RRM2B: variants seen among roughly 807,000 people sequenced by gnomAD.
The protein encoded by RRM2B is ribonucleotide reductase regulatory TP53 inducible subunit M2B, also known as ribonucleoside-diphosphate reductase subunit M2 B.
In RRM2B, 20 loss-of-function variants were observed where a neutral mutation model predicts 45.9. The ratio of observed to expected loss-of-function variants is 0.44; its 90% CI spans 0.31 to 0.63. The LOEUF (loss-of-function observed/expected upper bound fraction) is 0.63. Ranked by LOEUF, RRM2B falls within the 30% of genes least tolerant of loss-of-function variation. RRM2B has a pLI of 0.09. For synonymous variants in RRM2B, 124 were observed against 132.3 expected (o/e 0.94, Z 0.43); for missense variants, 320 against 414.7 (o/e 0.77, Z 1.98).
At position 102,226,039 on chromosome 8, in the gene RRM2B, A is replaced by AAT; in HGVS notation, c.205-7_205-6dup. ...GAGATCCTTTGATAAGTCGACCTGG[A>AAT]ATAAAAAGATTTTCAAAAATTTTAA... On this transcript the variant is annotated splice_polypyrimidine_tract_variant and splice_region_variant and intron_variant, in intron 2 of 8. Coordinates refer to ENST00000251810, the MANE Select transcript of RRM2B (RefSeq NM_015713.5). 6.4e-7 allele frequency: 1 copy of AAT among 1,571,632 alleles called. No homozygotes were observed. The highest frequency in any genetic ancestry group is 8.8e-7 in the Non-Finnish European group (1 of 1,141,580).
At chr8:102,231,852 G>A (rs1221920464) in intron 2 of RRM2B, among the ~76,000 whole-genome samples, 21 of 136,156 alleles carry the variant, frequency 1.5e-4, no homozygotes, top group Non-Finnish European at 2.3e-4. Context: ...CTGGGTGACA[G>A]AGTGAGACTC....
At chr8:102,236,317 TG>T (rs529157169) in intron 1 of RRM2B, among the ~76,000 whole-genome samples, 44 of 152,114 alleles carry the variant, frequency 2.9e-4, no homozygotes, top group African/African-American at 1.0e-3. Context: ...CCCACAGATT[TG>T]GGGGTACAAA....
chr8:102,233,093 A>G (rs1352163636), intron 1 of RRM2B, among the ~76,000 whole-genome samples: 2 of 152,242 alleles, frequency 1.3e-5, no homozygotes, highest in Non-Finnish European at 2.9e-5. Flanking sequence ...TAAACAAAGG[A>G]CATACAAATA....
chr8:102,211,448 T>C (rs1202911505), intron 8 of RRM2B, among the ~76,000 whole-genome samples: 2 of 152,192 alleles, frequency 1.3e-5, no homozygotes, highest in African/African-American at 4.8e-5. Flanking sequence ...AAAACAAAGT[T>C]TTACATTGTG....
chr8:102,225,887 G>C, intron 3 of RRM2B, 31 bp downstream of exon 3: 1 of 1,172,822 alleles, frequency 8.5e-7, no homozygotes, highest in Middle Eastern at 1.9e-4. Context: ...TGCTAAAGGA[G>C]AACAAAAGTT....
intron 2 of RRM2B, 71 bp from the exon 3 acceptor site, chr8:102,226,105 T>C: frequency 3.3e-6 from 3 of 903,478 alleles, no homozygotes; most frequent in Non-Finnish European, 5.6e-6. Context: ...GGAAACTAAC[T>C]TCTATTGTTA....
At chr8:102,214,421 C>A in intron 6 of RRM2B, 1 of 414,580 alleles carries the variant, frequency 2.4e-6, no homozygotes, top group Non-Finnish European at 4.5e-6. Flanking sequence ...CAAACAAAAT[C>A]TGCAAATAAA....
Position 102,226,863 on chromosome 8 carries a change from G to A in RRM2B, c.205-829C>T, listed in dbSNP as rs540464955. Among the ~76,000 whole-genome samples the A allele has an allele frequency of 5.9e-5, 9 of 152,212 alleles. No homozygotes were observed. In the South Asian group the frequency reaches 1.0e-3, roughly 18 times the overall value. On this transcript the variant is annotated intron_variant, in intron 2 of 8. Coordinates refer to ENST00000251810, the MANE Select transcript of RRM2B (RefSeq NM_015713.5). ...CGAGTAGCTGGGACTACAGGCAGGC[G>A]CCACCATGCCCAGCTAATTATTTGT...
In RRM2B at chr8:102,214,415, C is replaced by A. The variant is rs758693866; in HGVS notation, c.685-257G>T. The A allele has an allele frequency of 1.3e-3, 547 of 416,936 alleles. 3 individuals carry two copies. Among genetic ancestry groups the A allele is most frequent in the Non-Finnish European group, 1.6e-3 (367 of 223,750 alleles). The allele number at this position is 416,936 out of a possible 1,614,324, so 25.8% of individuals were successfully genotyped here. ...ATAGAAAAATTAATTTATGAACAAA[C>A]AAAATCTGCAAATAAAAGCATTTTG... On this transcript the variant is annotated intron_variant, in intron 6 of 8. Coordinates refer to ENST00000251810, the MANE Select transcript of RRM2B (RefSeq NM_015713.5).
intron 2 of RRM2B, among the ~76,000 whole-genome samples, chr8:102,229,256 A>T (rs1267211528): frequency 6.7e-6 from 1 of 150,370 alleles, no homozygotes; most frequent in African/African-American, 2.4e-5. Flanking sequence ...TGTCTCAAAA[A>T]CAAAACAACA....
In RRM2B at chr8:102,218,948, CT is replaced by C. The variant is rs1810780654; in HGVS notation, c.551-2del. ...GCAGCAAAGGCCACCACTCTTTCCCCTGGGAGACATAAAATCGTTTCAATTT... is the reference window on the plus strand; with the variant it reads ...GCAGCAAAGGCCACCACTCTTTCCCCGGGAGACATAAAATCGTTTCAATTT... On this transcript the variant is annotated splice_acceptor_variant, in intron 5 of 8. Transcript: ENST00000251810. LOFTEE classifies it high-confidence loss of function. 1 of 1,613,188 alleles carries C rather than the reference CT, an allele frequency of 6.2e-7. No homozygotes were observed. The highest frequency in any genetic ancestry group is 8.5e-7 in the Non-Finnish European group (1 of 1,179,366).
intron 5 of RRM2B, among the ~76,000 whole-genome samples, chr8:102,223,591 A>T (rs531325761): frequency 6.7e-6 from 1 of 149,712 alleles, no homozygotes; most frequent in South Asian, 2.2e-4. Flanking sequence ...GCTACTCAGG[A>T]GGCTGAGGCA....
chr8:102,213,022 CAA>C, intron 7 of RRM2B, 133 bp from the exon 8 acceptor site: 1 of 664,816 alleles, frequency 1.5e-6, no homozygotes, highest in South Asian at 1.7e-5. Flanking sequence ...TAAATTCTTT[CAA>C]TGTGGCAAAT....
chr8:102,225,150 T>C, intron 3 of RRM2B, 132 bp from the exon 4 acceptor site: 3 of 838,414 alleles, frequency 3.6e-6, no homozygotes, highest in East Asian at 2.6e-5. Flanking sequence ...AAAGACCTTA[T>C]GGATTATTTT....
At chr8:102,218,001 A>G (rs979962648) in intron 6 of RRM2B, among the ~76,000 whole-genome samples, 3 of 152,200 alleles carry the variant, frequency 2.0e-5, no homozygotes, top group African/African-American at 7.2e-5. Context: ...CACTCAATGA[A>G]ATAGGAAAAA....
chr8:102,238,961 T>C lies in RRM2B; in HGVS notation c.-87A>G. On this transcript the variant is annotated 5_prime_UTR_variant, in exon 1 of 9. Transcript: ENST00000251810. ...CTACGACAGCACCCAGGTGGTCCGCTGGTCCGCTGGGTCCGCCCCGCCCCC... is the reference window on the plus strand; with the variant it reads ...CTACGACAGCACCCAGGTGGTCCGCCGGTCCGCTGGGTCCGCCCCGCCCCC... The C allele has an allele frequency of 1.4e-6, 2 of 1,421,368 alleles. No homozygotes were observed. The highest frequency in any genetic ancestry group is 1.9e-6 in the Non-Finnish European group (2 of 1,026,794). The allele number at this position is 1,421,368 out of a possible 1,614,324, so 88.0% of individuals were successfully genotyped here. A position where few individuals can be genotyped will look rare whatever the true frequency, so the allele number is the denominator to read the frequency against.
rs1037700 is a variant in RRM2B at position 102,238,547 on chromosome 8, G to A, written c.48+280C>T. On this transcript the variant is annotated intron_variant, in intron 1 of 8. Transcript: ENST00000251810. ...AGAGCGTGAGGCGGATAAACGCAGG[G>A]GTAAGTCTCACCCCGGCCTGAGGCC... The A allele has an allele frequency of 5.3e-6, 8 of 1,503,964 alleles. No homozygotes were observed. The African/African-American group carries it at 8.3e-5, about 16-fold the overall frequency. 93.2% of individuals were successfully genotyped at this position (1,503,964 alleles called of 1,614,324 possible).
At chr8:102,237,962 C>G (rs1477637728) in intron 1 of RRM2B, among the ~76,000 whole-genome samples, 2 of 152,196 alleles carry the variant, frequency 1.3e-5, no homozygotes, top group Non-Finnish European at 2.9e-5. Context: ...AAAGATACCA[C>G]AGCAACAGGT....
At chr8:102,216,098 G>A (rs1810726598) in intron 6 of RRM2B, among the ~76,000 whole-genome samples, 2 of 151,736 alleles carry the variant, frequency 1.3e-5, no homozygotes, top group South Asian at 4.2e-4. Flanking sequence ...AATCTGATAG[G>A]TCAATAAGGA....
Sources: allele counts gnomAD v4.1 joint callset (sites outside exome capture counted in the v4.1 genomes callset), GRCh38; gene constraint gnomAD v4.1.1; transcripts MANE v1.5; gene names NCBI Gene and HGNC (gene_info 2026-07-23, HGNC 2026-07-21).